BNC2: variants seen among roughly 807,000 people sequenced by gnomAD.
BNC2 encodes basonuclin zinc finger protein 2, also known as zinc finger protein basonuclin-2.
A neutral mutation model predicts 76.3 loss-of-function variants in BNC2; 20 were observed. That is an observed-to-expected ratio of 0.26 (90% confidence interval 0.18 to 0.38). The LOEUF (loss-of-function observed/expected upper bound fraction) is 0.38, where lower values mean the gene tolerates loss of function less well. BNC2 is among the 10% of genes least tolerant of loss of function. The pLI is 1.00. For synonymous variants in BNC2, 582 were observed against 514.8 expected, an observed-to-expected ratio of 1.13 and a Z score of -1.77; for missense variants, 1,382 against 1,399.8, an observed-to-expected ratio of 0.99 and a Z score of 0.20.
chr9:16,697,289 G>C (rs781486014), intron 3 of BNC2, among the ~76,000 whole-genome samples: 1 of 152,120 alleles, frequency 6.6e-6, no homozygotes, highest in East Asian at 1.9e-4. Context: ...ACCAGGTAGT[G>C]AGCCGAGATT....
intron 6 of BNC2, among the ~76,000 whole-genome samples, chr9:16,434,474 A>C (rs897178143): frequency 6.6e-6 from 1 of 152,182 alleles, no homozygotes. Context: ...TTTCTCTAAA[A>C]TATTTTTAGA....
intron 3 of BNC2, among the ~76,000 whole-genome samples, chr9:16,589,743 C>T (rs567725384): frequency 6.6e-6 from 1 of 152,016 alleles, no homozygotes; most frequent in African/African-American, 2.4e-5. Context: ...CTCCTGACTT[C>T]GTGATCCACC....
At chr9:16,690,193 G>A (rs913811903) in intron 3 of BNC2, among the ~76,000 whole-genome samples, 18 of 152,124 alleles carry the variant, frequency 1.2e-4, no homozygotes, top group African/African-American at 3.6e-4. Flanking sequence ...AAAGCAACTG[G>A]TAAATCAAAA....
At chr9:16,574,251 T>G (rs1360300317) in intron 4 of BNC2, among the ~76,000 whole-genome samples, 1 of 152,114 alleles carries the variant, frequency 6.6e-6, no homozygotes, top group Non-Finnish European at 1.5e-5. Flanking sequence ...ATATAAAAAT[T>G]TATGATGTAA....
intron 5 of BNC2, among the ~76,000 whole-genome samples, chr9:16,551,655 C>G (rs1027201593): frequency 2.6e-5 from 4 of 152,218 alleles, no homozygotes; most frequent in Non-Finnish European, 5.9e-5. Flanking sequence ...TCTTCATCAT[C>G]CAGTGTAGCC....
At chr9:16,691,410 C>A (rs924160581) in intron 3 of BNC2, among the ~76,000 whole-genome samples, 1 of 151,890 alleles carries the variant, frequency 6.6e-6, no homozygotes, top group Admixed American at 6.6e-5. Flanking sequence ...ACAGATTTCA[C>A]GTACTTCCTG....
At chr9:16,824,963 C>A (rs114981703) in intron 1 of BNC2, among the ~76,000 whole-genome samples, 2,149 of 152,134 alleles carry the variant, frequency 0.014, 51 homozygotes, top group African/African-American at 0.049. Flanking sequence ...TCAGCCTAAA[C>A]CTGCCATCTG....
intron 4 of BNC2, among the ~76,000 whole-genome samples, chr9:16,572,922 C>T (rs959014499): frequency 4.6e-5 from 7 of 152,056 alleles, no homozygotes; most frequent in African/African-American, 1.7e-4. Flanking sequence ...CTACGATTAC[C>T]ACGTCTAATG....
In BNC2 at chr9:16,573,221, C is replaced by CAA. The variant is rs5896694; in HGVS notation, c.433+9760_433+9761dup. On this transcript the variant is annotated intron_variant, in intron 4 of 6. Transcript: ENST00000380672. ...TGGGTGACAGAGCAAGACCCTGTCT[C>CAA]AAAAAAAAAAAAAAAACAGAAAAAG... Among the ~76,000 whole-genome samples, 406 of 96,540 alleles carry CAA rather than the reference C, an allele frequency of 4.2e-3. 2 individuals carry two copies. Among genetic ancestry groups the CAA allele is most frequent in the African/African-American group, 0.016 (389 of 24,064 alleles). 63.3% of individuals were successfully genotyped at this position (96,540 alleles called of 152,430 possible).
At position 16,416,737 on chromosome 9, in the gene BNC2, A is replaced by C. The variant is rs951754809; in HGVS notation, c.*2252T>G. The C allele has an allele frequency of 4.2e-4, 64 of 152,774 alleles. 1 individual carries two copies. The highest frequency in any genetic ancestry group is 1.4e-3 in the African/African-American group (58 of 41,576). 9.5% of individuals were successfully genotyped at this position (152,774 alleles called of 1,614,324 possible). On this transcript the variant is annotated 3_prime_UTR_variant, in exon 7 of 7. Coordinates refer to ENST00000380672, the MANE Select transcript of BNC2 (RefSeq NM_017637.6). ...TCCTCTGAAGGAGGTGAAAAGATAAAGCTCCTAGACATAGCTAGCTTATCT... is the reference window on the plus strand; with the variant it reads ...TCCTCTGAAGGAGGTGAAAAGATAACGCTCCTAGACATAGCTAGCTTATCT...
At chr9:16,609,440 G>A (rs1820478294) in intron 3 of BNC2, among the ~76,000 whole-genome samples, 1 of 152,166 alleles carries the variant, frequency 6.6e-6, no homozygotes, top group Non-Finnish European at 1.5e-5. Context: ...AAAGGTGAAA[G>A]CTTGAGCTGC....
chr9:16,788,454 A>G (rs146686342), intron 1 of BNC2, among the ~76,000 whole-genome samples: 4,459 of 151,714 alleles, frequency 0.029, 99 homozygotes, highest in African/African-American at 0.055. Flanking sequence ...TCGGGAGGCT[A>G]AGGCAGGAGA....
intron 5 of BNC2, among the ~76,000 whole-genome samples, chr9:16,446,720 G>A (rs1226924437): frequency 6.6e-6 from 1 of 151,998 alleles, no homozygotes; most frequent in African/African-American, 2.4e-5. Context: ...ATAATTCATA[G>A]AGTACTATGC....
chr9:16,700,948 A>G (rs1823493148), intron 3 of BNC2, among the ~76,000 whole-genome samples: 1 of 152,194 alleles, frequency 6.6e-6, no homozygotes, highest in African/African-American at 2.4e-5. Context: ...TAAATAAATA[A>G]TAAATAAAAT....
Position 16,583,041 on chromosome 9 carries a change from C to T in BNC2, c.375G>A (p.Gln125=), listed in dbSNP as rs775211104. Residue 125 remains glutamine (Q), a synonymous_variant, in exon 4 of 7, where the codon CAG becomes CAA. Coordinates refer to ENST00000380672, the MANE Select transcript of BNC2 (RefSeq NM_017637.6). ...AAGTCCTCAGGTTAATCTTCCCTGG[C>T]TGAAAACATTCACATGTGCAGTTTA... is the stretch of plus-strand genomic sequence containing the variant. ...TLVNCTCECF[Q]PGKINLRTCD... 6.2e-7 allele frequency: 1 copy of T among 1,614,046 alleles called. No individual in the cohort carries two copies.
At chr9:16,693,386 G>C (rs542816508) in intron 3 of BNC2, among the ~76,000 whole-genome samples, 1 of 152,058 alleles carries the variant, frequency 6.6e-6, no homozygotes, top group Admixed American at 6.6e-5. Flanking sequence ...CAATAGTCTC[G>C]GTCAGTGCCC....
intron 5 of BNC2, among the ~76,000 whole-genome samples, chr9:16,533,248 G>A (rs1041299876): frequency 6.6e-6 from 1 of 152,154 alleles, no homozygotes; most frequent in Non-Finnish European, 1.5e-5. Context: ...TATATGGTTT[G>A]TGTCTTGGAC....
At chr9:16,689,191 T>C (rs1324855311) in intron 3 of BNC2, among the ~76,000 whole-genome samples, 1 of 147,064 alleles carries the variant, frequency 6.8e-6, no homozygotes, top group Non-Finnish European at 1.5e-5. Flanking sequence ...AAAAAAATGT[T>C]AGGGACCAGA....
At chr9:16,652,152 G>A (rs1228136480) in intron 3 of BNC2, among the ~76,000 whole-genome samples, 1 of 152,176 alleles carries the variant, frequency 6.6e-6, no homozygotes, top group Non-Finnish European at 1.5e-5. Context: ...TGTTTTGGAT[G>A]AGACATAAAG....
Sources: allele counts gnomAD v4.1 joint callset (sites outside exome capture counted in the v4.1 genomes callset), GRCh38; gene constraint gnomAD v4.1.1; transcripts MANE v1.5; gene names NCBI Gene and HGNC (gene_info 2026-07-23, HGNC 2026-07-21).